LTN1: variants seen among roughly 807,000 people sequenced by gnomAD.
LTN1 encodes E3 ubiquitin-protein ligase listerin.
LTN1 carries 88 observed loss-of-function variants against 201.2 expected under a neutral mutation model. The observed-to-expected ratio is 0.44, with a 90% confidence interval of 0.37 to 0.52. The LOEUF is 0.52. Ranked by LOEUF, LTN1 falls within the 20% of genes least tolerant of loss-of-function variation. The pLI is 0.00. For missense variants in LTN1, 1,752 were observed against 2,038.7 expected, an observed-to-expected ratio of 0.86 and a Z score of 2.71; for synonymous variants, 645 against 713.5, an observed-to-expected ratio of 0.90 and a Z score of 1.53.
rs747831769 is a variant in LTN1, at chr21:28,936,693, C to T, written c.4487G>A (p.Arg1496Gln). 2 of 1,606,394 alleles carry T rather than the reference C, an allele frequency of 1.2e-6. No homozygotes were observed. The highest frequency in any genetic ancestry group is 1.7e-5 in the Admixed American group (1 of 59,454). Residue 1496 changes from arginine (R) to glutamine (Q), a missense_variant, in exon 26 of 30, where the codon CGG becomes CAG. Physicochemically the swap from Arg to Gln is conservative, Grantham distance 43 (BLOSUM62 1). Around this residue, in one of 3 missense-constraint regions of LTN1, gnomAD observed 261 missense variants for 350.1 expected, o/e 0.75. Coordinates refer to ENST00000361371, the MANE Select transcript of LTN1 (RefSeq NM_015565.3). ...TFFKAASSQL[R>Q]ALYSMYLRKT... ...CCGAAGATACATGGAATACAAAGCCCGAAGCTGGTGGAGAGCAAAGAATTT... is the reference window on the plus strand; with the variant it reads ...CCGAAGATACATGGAATACAAAGCCTGAAGCTGGTGGAGAGCAAAGAATTT...
intron 16 of LTN1, among the ~76,000 whole-genome samples, chr21:28,956,475 G>A (rs1442697929): frequency 6.6e-6 from 1 of 152,004 alleles, no homozygotes; most frequent in Non-Finnish European, 1.5e-5. Context: ...TTTCTTTAGG[G>A]TATGTGCCAC....
At chr21:28,945,175 C>A (rs768765618) in intron 21 of LTN1, among the ~76,000 whole-genome samples, 1 of 151,966 alleles carries the variant, frequency 6.6e-6, no homozygotes, top group African/African-American at 2.4e-5. Context: ...GAGCCAAGAT[C>A]GCACCATTGC....
chr21:28,943,269 G>A lies in LTN1; in HGVS notation c.4288C>T (p.Pro1430Ser), dbSNP rs2084311488. 6.3e-7 allele frequency: 1 copy of A among 1,592,242 alleles called. No homozygotes were observed. Among genetic ancestry groups the A allele is most frequent in the Non-Finnish European group, 8.6e-7 (1 of 1,163,488 alleles). The change falls in exon 24 of 30, where the codon CCA (proline) becomes TCA (serine). Residue 1430 changes from proline (P) to serine (S), a missense_variant. By Grantham distance (74) the Pro-to-Ser change is moderately conservative. Transcript: ENST00000361371. ...TATTTAAAAAAACCTTACAAGGCTG[G>A]CTCTTCTTCTTCATCTCCGTATGAC... ...LKSYGDEEEE[P>S]ALSPPAALMS...
At chr21:28,941,438 T>G in intron 24 of LTN1, 32 bp from the exon 25 acceptor site, 5 of 1,477,112 alleles carry the variant, frequency 3.4e-6, no homozygotes, top group Non-Finnish European at 2.8e-6. Flanking sequence ...CCACAAGTTT[T>G]CTTTATAATT....
At chr21:28,931,848 C>T (rs1196321611) in intron 28 of LTN1, among the ~76,000 whole-genome samples, 2 of 152,078 alleles carry the variant, frequency 1.3e-5, no homozygotes, top group East Asian at 3.9e-4. Context: ...ACTAAAAATA[C>T]AAACAATTAG....
intron 25 of LTN1, among the ~76,000 whole-genome samples, chr21:28,937,446 G>A (rs1034583309): frequency 1.3e-5 from 2 of 151,982 alleles, no homozygotes; most frequent in Non-Finnish European, 2.9e-5. Flanking sequence ...GGGCATATGA[G>A]GTATTTTATA....
chr21:28,945,766 C>A (rs571551872), intron 21 of LTN1, 41 bp downstream of exon 21: 1 of 1,566,152 alleles, frequency 6.4e-7, no homozygotes, highest in Admixed American at 1.9e-5. Flanking sequence ...AAAGTATGTA[C>A]AAAAACCCAC....
Position 28,967,063 on chromosome 21 carries a change from A to C in LTN1, c.1428T>G (p.Asp476Glu). 6.2e-7 allele frequency: 1 copy of C among 1,614,082 alleles called. No homozygotes were observed. Among genetic ancestry groups the C allele is most frequent in the Non-Finnish European group, 8.5e-7 (1 of 1,180,012 alleles). Residue 476 changes from aspartate (D) to glutamate (E), a missense_variant, in exon 10 of 30, where the codon GAT becomes GAG. Coordinates refer to ENST00000361371, the MANE Select transcript of LTN1 (RefSeq NM_015565.3). Reference protein sequence around the residue: ...SWEAKADTEKDEKTAHNLENV... With the variant: ...SWEAKADTEKEEKTAHNLENV... Reference sequence around the variant, plus strand: ...TCTCCAAGTTGTGAGCTGTTTTTTCATCTTTTTCCGTGTCTGCTTTGGCTT... The same window carrying C: ...TCTCCAAGTTGTGAGCTGTTTTTTCCTCTTTTTCCGTGTCTGCTTTGGCTT...
intron 6 of LTN1, among the ~76,000 whole-genome samples, chr21:28,976,087 A>G (rs965698278): frequency 1.3e-5 from 2 of 151,846 alleles, no homozygotes; most frequent in African/African-American, 4.8e-5. Flanking sequence ...GCAGAGGATG[A>G]CTTGGAAGGA....
At position 28,941,411 on chromosome 21, in the gene LTN1, G is replaced by C; in HGVS notation, c.4296-5C>G. Reference sequence around the variant, plus strand: ...ATCAGTGCTGCTGGTGGTGACCTAAGAATCAATGATTAAACACCACAAGTT... The same window carrying C: ...ATCAGTGCTGCTGGTGGTGACCTAACAATCAATGATTAAACACCACAAGTT... On this transcript the variant is annotated splice_polypyrimidine_tract_variant and splice_region_variant and intron_variant, in intron 24 of 29. Coordinates refer to ENST00000361371, the MANE Select transcript of LTN1 (RefSeq NM_015565.3). 6.3e-7 allele frequency: 1 copy of C among 1,594,656 alleles called. No homozygotes were observed.
At chr21:28,943,033 T>C (rs2084309263) in intron 24 of LTN1, among the ~76,000 whole-genome samples, 1 of 152,196 alleles carries the variant, frequency 6.6e-6, no homozygotes, top group Non-Finnish European at 1.5e-5. Context: ...CAAAGATAGT[T>C]TTACTGAACA....
At chr21:28,954,377 T>G (rs1017814851) in intron 16 of LTN1, among the ~76,000 whole-genome samples, 6 of 152,198 alleles carry the variant, frequency 3.9e-5, no homozygotes, top group Non-Finnish European at 2.9e-5. Context: ...ATTCTCTACC[T>G]TTAATACCAT....
Position 28,930,458 on chromosome 21 carries a change from G to A in LTN1, c.5291C>T (p.Thr1764Met), listed in dbSNP as rs748923422. Residue 1764 changes from threonine to methionine, a missense_variant, in exon 30 of 30, where the codon ACG (threonine) becomes ATG (methionine). Physicochemically the swap from Thr to Met is moderately conservative, Grantham distance 81 (BLOSUM62 -1). Transcript: ENST00000361371. ...NKSTCPLCRETFF is the reference protein window; with the variant it reads ...NKSTCPLCREMFF Reference sequence around the variant, plus strand: ...CCAGTGAAAAAAATCTCAGAAAAACGTCTCACGACACAGTGGACAAGTGGA... The same window carrying A: ...CCAGTGAAAAAAATCTCAGAAAAACATCTCACGACACAGTGGACAAGTGGA... 1.2e-5 allele frequency: 20 copies of A among 1,611,716 alleles called. No individual in the cohort carries two copies. Among genetic ancestry groups the A allele is most frequent in the Admixed American group, 8.4e-5 (5 of 59,716 alleles).
At chr21:28,974,123 T>A (rs1247730467) in intron 6 of LTN1, among the ~76,000 whole-genome samples, 1 of 151,920 alleles carries the variant, frequency 6.6e-6, no homozygotes, top group Admixed American at 6.6e-5. Context: ...GCCATTCAAA[T>A]AATAAAAATA....
chr21:28,946,745 T>C (rs747027370), intron 19 of LTN1, among the ~76,000 whole-genome samples: 15 of 152,234 alleles, frequency 9.9e-5, no homozygotes, highest in African/African-American at 2.7e-4. Flanking sequence ...ACTCACTCTT[T>C]AGAATCTCTA....
rs2084686521 is a variant in LTN1, at chr21:28,985,003, C to T, written c.346-81G>A. 1.6e-5 allele frequency: 15 copies of T among 928,228 alleles called. No homozygotes were observed. In the Admixed American group the frequency reaches 3.5e-4, roughly 22 times the overall value. 57.5% of individuals were successfully genotyped at this position (928,228 alleles called of 1,614,324 possible). ...GACATTTCCGGATATGCTATAATGACCCATTACCAAGAATTCACCTATGTA... is the reference window on the plus strand; with the variant it reads ...GACATTTCCGGATATGCTATAATGATCCATTACCAAGAATTCACCTATGTA... On this transcript the variant is annotated intron_variant, in intron 3 of 29. Coordinates refer to ENST00000361371, the MANE Select transcript of LTN1 (RefSeq NM_015565.3).
At chr21:28,951,079 GT>G (rs1259718563) in intron 18 of LTN1, among the ~76,000 whole-genome samples, 3 of 150,962 alleles carry the variant, frequency 2.0e-5, no homozygotes, top group South Asian at 4.2e-4. Flanking sequence ...TCAACTGACT[GT>G]ATCAATGCCT....
chr21:28,981,211 G>A lies in LTN1; in HGVS notation c.718C>T (p.Pro240Ser). 1 of 1,599,320 alleles carries A rather than the reference G, an allele frequency of 6.3e-7. No homozygotes were observed. The highest frequency in any genetic ancestry group is 8.5e-7 in the Non-Finnish European group (1 of 1,175,588). Reference sequence around the variant, plus strand: ...TCCAGAGAATCAAGCTCATTATCAGGTAAAAGGCAAAGTAATCTCTTTAAT... The same window carrying A: ...TCCAGAGAATCAAGCTCATTATCAGATAAAAGGCAAAGTAATCTCTTTAAT... ...LALKRLLCLL[P>S]DNELDSLEEK... Residue 240 changes from proline to serine, a missense_variant, in exon 6 of 30, where the codon CCT (proline) becomes TCT (serine). This residue lies in a region of LTN1 where 280 missense variants were observed against 375.7 expected (regional missense o/e 0.75). Coordinates refer to ENST00000361371, the MANE Select transcript of LTN1 (RefSeq NM_015565.3).
chr21:28,937,488 A>G (rs2084265893), intron 25 of LTN1, among the ~76,000 whole-genome samples: 1 of 152,192 alleles, frequency 6.6e-6, no homozygotes, highest in Non-Finnish European at 1.5e-5. Context: ...TAAGTGGGGT[A>G]TTCATCACCT....
Sources: allele counts gnomAD v4.1 joint callset (sites outside exome capture counted in the v4.1 genomes callset), GRCh38; gene constraint gnomAD v4.1.1; regional missense constraint gnomAD v4.1.1; transcripts MANE v1.5; gene names NCBI Gene and HGNC (gene_info 2026-07-23, HGNC 2026-07-21).